CDC40: variants seen among roughly 807,000 people sequenced by gnomAD.
The protein encoded by CDC40 is cell division cycle 40.
CDC40 carries 27 observed loss-of-function variants against 80.6 expected under a neutral mutation model. The observed-to-expected ratio is 0.33, with a 90% CI of 0.25 to 0.46. The LOEUF (loss-of-function observed/expected upper bound fraction) is 0.46, where lower values mean the gene tolerates loss of function less well. CDC40 is among the 20% of genes least tolerant of loss of function. The pLI, the probability that CDC40 is intolerant of heterozygous loss-of-function variation, is 1.00. For synonymous variants in CDC40, 221 were observed against 232.6 expected (o/e 0.95, Z 0.45); for missense variants, 486 against 694.1 (o/e 0.70, Z 3.37).
At chr6:110,194,160 A>G (rs1173673366) in intron 2 of CDC40, among the ~76,000 whole-genome samples, 2 of 152,192 alleles carry the variant, frequency 1.3e-5, no homozygotes, top group African/African-American at 4.8e-5. Context: ...TACAGAAAAG[A>G]TTAAATTTCT....
intron 12 of CDC40, among the ~76,000 whole-genome samples, chr6:110,221,865 C>CTT (rs200106149): frequency 4.1e-5 from 5 of 121,266 alleles, no homozygotes; most frequent in Non-Finnish European, 5.5e-5. Context: ...TAGTATGTTT[C>CTT]TTTTTTTTTT....
chr6:110,221,307 A>G (rs1341765871), intron 12 of CDC40, among the ~76,000 whole-genome samples: 1 of 152,184 alleles, frequency 6.6e-6, no homozygotes, highest in African/African-American at 2.4e-5. Flanking sequence ...AAAGCCTTGA[A>G]TCACAGCCAG....
intron 2 of CDC40, among the ~76,000 whole-genome samples, chr6:110,194,407 T>C (rs1310185636): frequency 6.6e-6 from 1 of 152,200 alleles, no homozygotes; most frequent in Non-Finnish European, 1.5e-5. Flanking sequence ...TCAGAGCTGT[T>C]TCATATAGTA....
rs1777916365 is a variant in CDC40, at chr6:110,230,118, A to G, written c.1727A>G (p.Lys576Arg). The change falls in exon 15 of 15, where the codon AAA (lysine) becomes AGA (arginine). Residue 576 changes from lysine (K) to arginine (R), a missense_variant. Lys to Arg is a conservative substitution (Grantham distance 26). Around this residue, in one of 3 missense-constraint regions of CDC40, gnomAD observed 88 missense variants for 138.7 expected, o/e 0.63. Transcript: ENST00000307731. ...ACATGTGGTTGGGATGGTCTCATTA[A>G]ATTGTGGGATTAATGAGATTAATCC... is the stretch of plus-strand genomic sequence containing the variant. ...VITCGWDGLI[K>R]LWD 12 of 1,609,366 alleles carry G rather than the reference A, an allele frequency of 7.5e-6. No individual in the cohort carries two copies. Among genetic ancestry groups the G allele is most frequent in the Non-Finnish European group, 1.0e-5 (12 of 1,176,312 alleles).
intron 12 of CDC40, among the ~76,000 whole-genome samples, chr6:110,225,664 G>T (rs1462576035): frequency 1.3e-5 from 2 of 152,102 alleles, no homozygotes; most frequent in East Asian, 3.9e-4. Flanking sequence ...CTCAAGTTAA[G>T]GTAGGCTAGC....
At position 110,215,435 on chromosome 6, in the gene CDC40, T is replaced by A. The variant is rs1019681438; in HGVS notation, c.988+104T>A. 47 of 904,188 alleles carry A rather than the reference T, an allele frequency of 5.2e-5. No homozygotes were observed. In the East Asian group the frequency reaches 1.1e-3, roughly 22 times the overall value. The allele number at this position is 904,188 out of a possible 1,614,324, so 56.0% of individuals were successfully genotyped here. ...ACACCGATAGGAAGTAAACTCTTCA[T>A]AGATTTCAGCTGAATCTGGAAGGAG... On this transcript the variant is annotated intron_variant, in intron 9 of 14. Transcript: ENST00000307731.
chr6:110,220,583 T>C (rs1358494797), intron 12 of CDC40, among the ~76,000 whole-genome samples: 5 of 151,354 alleles, frequency 3.3e-5, no homozygotes, highest in Non-Finnish European at 5.9e-5. Context: ...TAGCTGGGAC[T>C]ACAGGCGCCC....
chr6:110,180,903 G>A (rs1210075902), intron 1 of CDC40, among the ~76,000 whole-genome samples: 1 of 152,234 alleles, frequency 6.6e-6, no homozygotes, highest in East Asian at 1.9e-4. Context: ...TAGGGACATA[G>A]CCTGGAAAGT....
chr6:110,220,204 A>T (rs1035103725), intron 12 of CDC40, among the ~76,000 whole-genome samples: 6 of 152,144 alleles, frequency 3.9e-5, no homozygotes, highest in South Asian at 2.1e-4. Flanking sequence ...CAGTAGGGGG[A>T]CTGAGCATAA....
At chr6:110,182,749 T>C (rs1425504073) in intron 1 of CDC40, among the ~76,000 whole-genome samples, 1 of 152,268 alleles carries the variant, frequency 6.6e-6, no homozygotes, top group Non-Finnish European at 1.5e-5. Flanking sequence ...CTCTCTCTTC[T>C]GCTGCCACTG....
chr6:110,215,391 CATT>C lies in CDC40; in HGVS notation c.988+61_988+63del. 1.5e-6 allele frequency: 2 copies of C among 1,305,126 alleles called. 1 individual carries two copies. Among genetic ancestry groups the C allele is most frequent in the South Asian group, 2.4e-5 (2 of 84,404 alleles). 80.8% of individuals were successfully genotyped at this position (1,305,126 alleles called of 1,614,324 possible). A position where few individuals can be genotyped will look rare whatever the true frequency, so the allele number is the denominator to read the frequency against. On this transcript the variant is annotated intron_variant, in intron 9 of 14. Transcript: ENST00000307731. ...AAGAATTTTTAAAGTAAGATAACAT[CATT>C]GACAATAACTTTACTACACCGATAG... is the stretch of plus-strand genomic sequence containing the variant.
At chr6:110,192,557 A>T (rs1777365611) in intron 1 of CDC40, among the ~76,000 whole-genome samples, 1 of 152,202 alleles carries the variant, frequency 6.6e-6, no homozygotes, top group African/African-American at 2.4e-5. Flanking sequence ...AGTCTCTAGA[A>T]ATCAGGGGAG....
At chr6:110,229,770 GT>G (rs1023422722) in intron 14 of CDC40, among the ~76,000 whole-genome samples, 183 bp from the exon 15 acceptor site, 1 of 151,642 alleles carries the variant, frequency 6.6e-6, no homozygotes, top group African/African-American at 2.4e-5. Flanking sequence ...TGGTTGGGAG[GT>G]TTTTTTAATA....
chr6:110,204,160 C>T (rs1777531045), intron 3 of CDC40, among the ~76,000 whole-genome samples: 1 of 151,880 alleles, frequency 6.6e-6, no homozygotes, highest in Non-Finnish European at 1.5e-5. Context: ...ACTACAGGCA[C>T]CCGCCACCAC....
intron 12 of CDC40, among the ~76,000 whole-genome samples, chr6:110,220,781 G>A (rs1777766363): frequency 6.6e-6 from 1 of 152,254 alleles, no homozygotes; most frequent in South Asian, 2.1e-4. Context: ...GCAAGAGAGG[G>A]AATGAGAGCC....
intron 2 of CDC40, among the ~76,000 whole-genome samples, chr6:110,201,289 G>A (rs965130137): frequency 2.0e-5 from 3 of 152,158 alleles, no homozygotes; most frequent in East Asian, 3.9e-4. Context: ...TGTAGTAGCT[G>A]ACAACCACAT....
intron 14 of CDC40, 49 bp from the exon 15 acceptor site, chr6:110,229,905 C>T: frequency 7.8e-7 from 1 of 1,287,826 alleles, no homozygotes; most frequent in Non-Finnish European, 1.1e-6. Context: ...TTCGCCTTAC[C>T]AATTTAAGGT....
At chr6:110,190,255 T>A (rs1777328408) in intron 1 of CDC40, among the ~76,000 whole-genome samples, 1 of 152,174 alleles carries the variant, frequency 6.6e-6, no homozygotes, top group African/African-American at 2.4e-5. Context: ...AATAAAGGCA[T>A]TGCCTAAGGT....
At chr6:110,228,116 G>A (rs573246984) in intron 13 of CDC40, among the ~76,000 whole-genome samples, 2 of 152,274 alleles carry the variant, frequency 1.3e-5, no homozygotes, top group African/African-American at 4.8e-5. Flanking sequence ...TTGCTGTTCT[G>A]AATAATGTAG....
Sources: gnomAD v4.1 joint callset for allele counts (sites outside exome capture counted in the v4.1 genomes callset) on GRCh38, gnomAD v4.1.1 for gene constraint, gnomAD v4.1.1 regional missense constraint, MANE v1.5 for transcripts, NCBI Gene and HGNC (gene_info 2026-07-23, HGNC 2026-07-21) for gene names.